AGK: variants seen among roughly 807,000 people sequenced by gnomAD.
The protein encoded by AGK is acylglycerol kinase, mitochondrial.
A neutral mutation model predicts 66.4 loss-of-function variants in AGK; 52 were observed. The ratio of observed to expected loss-of-function variants is 0.78; its 90% CI spans 0.63 to 0.99. The LOEUF (loss-of-function observed/expected upper bound fraction) is 0.99. Ranked by LOEUF, AGK falls within the 50% of genes least tolerant of loss-of-function variation. The probability of loss-of-function intolerance (pLI) is 0.00; values close to 1 mark genes in which losing one functional copy is unlikely to be tolerated. For missense variants in AGK, 451 were observed against 506.6 expected, an observed-to-expected ratio of 0.89 and a Z score of 1.05; for synonymous variants, 182 against 181.1, an observed-to-expected ratio of 1.00 and a Z score of -0.04.
Position 141,555,952 on chromosome 7 carries a change from C to T in AGK, c.101+385C>T, listed in dbSNP as rs1795202294. 6.6e-6 allele frequency among the ~76,000 whole-genome samples: 1 copy of T among 152,298 alleles called. No individual in the cohort carries two copies. The highest frequency in any genetic ancestry group is 2.1e-4 in the South Asian group (1 of 4,826). Reference sequence around the variant, plus strand: ...TGCCAAAGTTAAGGACGTGCGCCTGCGACACAGCCTCAGGAAGTTCTGATG... The same window carrying T: ...TGCCAAAGTTAAGGACGTGCGCCTGTGACACAGCCTCAGGAAGTTCTGATG... On this transcript the variant is annotated intron_variant, in intron 2 of 15. Coordinates refer to ENST00000649286, the MANE Select transcript of AGK (RefSeq NM_018238.4). The surrounding 1 kb of genome is among the most constrained non-coding windows in gnomAD (Gnocchi z 4.2).
chr7:141,629,760 A>G (rs901605829), intron 9 of AGK, among the ~76,000 whole-genome samples: 1 of 152,138 alleles, frequency 6.6e-6, no homozygotes, highest in African/African-American at 2.4e-5. Context: ...TTTAATTCTA[A>G]TGGAATGTTC....
At chr7:141,604,697 C>T (rs1289155651) in intron 5 of AGK, among the ~76,000 whole-genome samples, 12 of 150,562 alleles carry the variant, frequency 8.0e-5, no homozygotes. Context: ...GATTCTCCTG[C>T]CTCAGCCTCC....
intron 8 of AGK, among the ~76,000 whole-genome samples, chr7:141,617,923 C>T (rs943365486): frequency 1.3e-5 from 2 of 152,098 alleles, no homozygotes; most frequent in Non-Finnish European, 2.9e-5. Context: ...CTTACTTTCT[C>T]CTACACTGAA....
At chr7:141,588,049 G>A (rs773774539) in intron 2 of AGK, among the ~76,000 whole-genome samples, 1 of 152,176 alleles carries the variant, frequency 6.6e-6, no homozygotes, top group Non-Finnish European at 1.5e-5. Flanking sequence ...ACCTTCAGAA[G>A]CATTATTGCA....
intron 4 of AGK, among the ~76,000 whole-genome samples, chr7:141,600,202 A>G (rs1796312764): frequency 6.6e-6 from 1 of 152,204 alleles, no homozygotes; most frequent in Non-Finnish European, 1.5e-5. Context: ...ACATTGATTG[A>G]AAGTACTGGA....
chr7:141,569,771 A>C (rs1407120942), intron 2 of AGK, among the ~76,000 whole-genome samples: 1 of 152,212 alleles, frequency 6.6e-6, no homozygotes, highest in East Asian at 1.9e-4. Flanking sequence ...CAGAGCCATC[A>C]TACAAAGCCA....
intron 11 of AGK, 62 bp downstream of exon 11, chr7:141,637,079 A>G: frequency 2.2e-6 from 3 of 1,381,628 alleles, no homozygotes; most frequent in South Asian, 1.2e-5. Flanking sequence ...TGTAATGCAT[A>G]TATTTGGTAT....
At chr7:141,645,871 T>G (rs1797399987) in intron 13 of AGK, among the ~76,000 whole-genome samples, 1 of 152,202 alleles carries the variant, frequency 6.6e-6, no homozygotes, top group Non-Finnish European at 1.5e-5. Flanking sequence ...GTGAGACTTT[T>G]GGCCAAGATG....
At chr7:141,594,134 C>G (rs1796182318) in intron 3 of AGK, 1 of 152,146 alleles carries the variant, frequency 6.6e-6, no homozygotes, top group Non-Finnish European at 1.5e-5. Flanking sequence ...AATGTATTAT[C>G]TTTCATATGG....
intron 6 of AGK, 117 bp from the exon 7 acceptor site, chr7:141,614,029 A>T (rs1376766884): frequency 1.4e-6 from 1 of 702,892 alleles, no homozygotes; most frequent in Admixed American, 2.9e-5. Flanking sequence ...ATCTTTTAAC[A>T]GAGCTTCTAA....
At chr7:141,559,711 GTC>G (rs1795295905) in intron 2 of AGK, among the ~76,000 whole-genome samples, 1 of 152,132 alleles carries the variant, frequency 6.6e-6, no homozygotes, top group Non-Finnish European at 1.5e-5. Flanking sequence ...ACAATATTAA[GTC>G]TTCTAATTTA....
In AGK at chr7:141,562,231, C is replaced by T. The variant is rs575606427; in HGVS notation, c.101+6664C>T. 88 of 453,408 alleles carry T rather than the reference C, an allele frequency of 1.9e-4. 1 individual carries two copies. Among genetic ancestry groups the T allele is most frequent in the South Asian group, 1.3e-3 (83 of 64,224 alleles). 28.1% of individuals were successfully genotyped at this position (453,408 alleles called of 1,614,324 possible). On this transcript the variant is annotated intron_variant, in intron 2 of 15. Transcript: ENST00000649286. Reference sequence around the variant, plus strand: ...GCAGTGGTATTAGCTGTTGTTTTCTCCTTCTCGGGAGCAGTGTTACTCTGT... The same window carrying T: ...GCAGTGGTATTAGCTGTTGTTTTCTTCTTCTCGGGAGCAGTGTTACTCTGT...
chr7:141,628,307 A>G (rs1423186977), intron 9 of AGK, among the ~76,000 whole-genome samples: 2 of 152,230 alleles, frequency 1.3e-5, no homozygotes, highest in Non-Finnish European at 2.9e-5. Flanking sequence ...ACCCAGGAAG[A>G]AAATTCTGAA....
chr7:141,561,157 A>G (rs995595152), intron 2 of AGK, among the ~76,000 whole-genome samples: 2 of 152,060 alleles, frequency 1.3e-5, no homozygotes, highest in Non-Finnish European at 2.9e-5. Context: ...CATTTTCTTT[A>G]GCCACTTGTT....
rs147314990 is a variant in AGK, at chr7:141,594,535, G to C, written c.141+1350G>C. 5.6e-3 allele frequency among the ~76,000 whole-genome samples: 856 copies of C among 151,956 alleles called. 12 individuals carry two copies. The highest frequency in any genetic ancestry group is 0.019 in the African/African-American group (777 of 41,472). ...GGAAGAGTAGACCTGTGTGATTGTA[G>C]GGCCCTCCCTTTCTTGTTGAAAGTA... On this transcript the variant is annotated intron_variant, in intron 3 of 15. Coordinates refer to ENST00000649286, the MANE Select transcript of AGK (RefSeq NM_018238.4).
chr7:141,624,902 A>G (rs1296934763), intron 9 of AGK, among the ~76,000 whole-genome samples: 2 of 152,234 alleles, frequency 1.3e-5, no homozygotes, highest in South Asian at 2.1e-4. Context: ...AGATAAATTC[A>G]TGAAAGGATG....
chr7:141,616,150 T>C (rs998300090), intron 8 of AGK: 4 of 152,228 alleles, frequency 2.6e-5, no homozygotes, highest in African/African-American at 9.7e-5. Flanking sequence ...TTATTGTTCT[T>C]TTTTGCTTGA....
chr7:141,621,693 C>T, intron 8 of AGK, 39 bp from the exon 9 acceptor site: 2 of 1,465,358 alleles, frequency 1.4e-6, no homozygotes, highest in Non-Finnish European at 1.9e-6. Flanking sequence ...GAGATGTTGC[C>T]TATTTTTCAT....
intron 2 of AGK, among the ~76,000 whole-genome samples, chr7:141,587,300 G>A (rs1243959135): frequency 6.6e-6 from 1 of 152,142 alleles, no homozygotes; most frequent in African/African-American, 2.4e-5. Flanking sequence ...GACTGTCACT[G>A]AGGGAGCCTC....
Sources: gnomAD v4.1 joint callset for allele counts (sites outside exome capture counted in the v4.1 genomes callset) on GRCh38, gnomAD v4.1.1 for gene constraint, Gnocchi (gnomAD v3.1) non-coding constraint, MANE v1.5 for transcripts, NCBI Gene and HGNC (gene_info 2026-07-23, HGNC 2026-07-21) for gene names.